The following EFR3B variants were observed in gnomAD, a reference collection of about 807,000 sequenced individuals.
The protein encoded by EFR3B is protein EFR3 homolog B.
In EFR3B, 64 loss-of-function variants were observed where a neutral mutation model predicts 104.7. The observed-to-expected ratio is 0.61, with a 90% CI of 0.50 to 0.75. The LOEUF (loss-of-function observed/expected upper bound fraction) is 0.75. Among genes scored for constraint, EFR3B ranks in the 30% least tolerant of loss-of-function variants. The pLI, the probability that EFR3B is intolerant of heterozygous loss-of-function variation, is 0.00. For synonymous variants in EFR3B, 385 were observed against 417.9 expected (o/e 0.92, Z 0.96); for missense variants, 750 against 1,078.5 (o/e 0.70, Z 4.27).
rs1460670981 is a variant in EFR3B, at chr2:25,135,448, G to A, written c.1312-19G>A. 6.4e-7 allele frequency: 1 copy of A among 1,551,334 alleles called. No homozygotes were observed. The highest frequency in any genetic ancestry group is 2.4e-5 in the East Asian group (1 of 40,928). ...AGGGACAGCATTCCTAGGCATAGCT[G>A]TCCATACCTCCCTTGCAGGTATCCA... On this transcript the variant is annotated intron_variant, in intron 12 of 22. Transcript: ENST00000403714.
intron 21 of EFR3B, 140 bp downstream of exon 21, chr2:25,152,160 C>T: frequency 3.7e-6 from 3 of 814,050 alleles, no homozygotes; most frequent in Non-Finnish European, 5.8e-6. Context: ...GACATCAGGG[C>T]TTGTATTCCA....
At chr2:25,087,974 G>A (rs1045590407) in intron 1 of EFR3B, among the ~76,000 whole-genome samples, 1 of 152,234 alleles carries the variant, frequency 6.6e-6, no homozygotes, top group South Asian at 2.1e-4. Context: ...CTTCTGTCCA[G>A]GGTGTAAGGG....
chr2:25,046,835 A>G (rs575413456), intron 1 of EFR3B, among the ~76,000 whole-genome samples: 3 of 152,186 alleles, frequency 2.0e-5, no homozygotes, highest in African/African-American at 7.2e-5. Flanking sequence ...AGAAATCTCC[A>G]TAGACTCCCT....
Position 25,121,707 on chromosome 2 carries a change from C to T in EFR3B, c.398C>T (p.Pro133Leu), listed in dbSNP as rs1670020032. The change falls in exon 5 of 23, where the codon CCG becomes CTG. Residue 133 changes from proline (P) to leucine (L), a missense_variant. Physicochemically the swap from Pro to Leu is moderately conservative, Grantham distance 98 (BLOSUM62 -3). Transcript: ENST00000403714. ...TTTGCCAACATCGAGGAGGACACCC[C>T]GTCCTATCACCGGAGCTATGACTTC... ...VKFANIEEDT[P>L]SYHRSYDFFV... 2.6e-6 allele frequency: 4 copies of T among 1,551,590 alleles called. No homozygotes were observed. The highest frequency in any genetic ancestry group is 2.0e-5 in the Admixed American group (1 of 50,968).
At chr2:25,133,104 C>A in intron 11 of EFR3B, 90 bp downstream of exon 11, 2 of 1,194,206 alleles carry the variant, frequency 1.7e-6, no homozygotes, top group East Asian at 2.6e-5. Flanking sequence ...ATTTTCTTGG[C>A]TCTGCCCTCT....
chr2:25,099,702 T>G (rs925892661), intron 3 of EFR3B, among the ~76,000 whole-genome samples: 4 of 151,946 alleles, frequency 2.6e-5, no homozygotes, highest in Admixed American at 6.6e-5. Context: ...TTTTTATGTT[T>G]GGATTTGCAA....
intron 4 of EFR3B, among the ~76,000 whole-genome samples, chr2:25,121,140 G>A (rs1296085785): frequency 6.6e-6 from 1 of 152,090 alleles, no homozygotes; most frequent in Non-Finnish European, 1.5e-5. Flanking sequence ...GACCTCAAAT[G>A]ATCCACCTGC....
At chr2:25,089,288 T>A (rs1669047502) in intron 1 of EFR3B, among the ~76,000 whole-genome samples, 1 of 152,116 alleles carries the variant, frequency 6.6e-6, no homozygotes, top group South Asian at 2.1e-4. Flanking sequence ...CTACCGTGAG[T>A]ACCCAGGATG....
chr2:25,073,108 A>G (rs1198201458), intron 1 of EFR3B, among the ~76,000 whole-genome samples: 1 of 152,192 alleles, frequency 6.6e-6, no homozygotes, highest in African/African-American at 2.4e-5. Flanking sequence ...GATAGTTATG[A>G]TGACAATTCA....
chr2:25,146,403 C>G (rs1209639740), intron 19 of EFR3B: 1 of 152,108 alleles, frequency 6.6e-6, no homozygotes, highest in Non-Finnish European at 1.5e-5. Context: ...CAGAACCTTC[C>G]CACGGAAGGA....
intron 4 of EFR3B, among the ~76,000 whole-genome samples, chr2:25,104,718 C>T (rs139260385): frequency 8.3e-4 from 126 of 152,348 alleles, no homozygotes; most frequent in Middle Eastern, 3.4e-3. Flanking sequence ...AAGCAGGACA[C>T]GGGGCTTCTG....
At chr2:25,060,846 G>C (rs1036375350) in intron 1 of EFR3B, among the ~76,000 whole-genome samples, 1 of 151,670 alleles carries the variant, frequency 6.6e-6, no homozygotes, top group African/African-American at 2.4e-5. Flanking sequence ...GTGTGAACCC[G>C]GGAGACAGAG....
intron 1 of EFR3B, among the ~76,000 whole-genome samples, chr2:25,065,195 T>C (rs1668299389): frequency 6.6e-6 from 1 of 152,104 alleles, no homozygotes; most frequent in South Asian, 2.1e-4. Flanking sequence ...TATTTATTTA[T>C]TTTGAGACAA....
chr2:25,157,445 G>A lies in EFR3B; in HGVS notation c.*3105G>A, dbSNP rs745709753. On this transcript the variant is annotated 3_prime_UTR_variant, in exon 23 of 23. Transcript: ENST00000403714. ...TACCCTGGCCCTTGGTCTAGCATCA[G>A]TGAGTCCTGCCCTTCCAAGCCCCTG... 1 of 152,386 alleles carries A rather than the reference G, an allele frequency of 6.6e-6. No homozygotes were observed. The highest frequency in any genetic ancestry group is 1.5e-5 in the Non-Finnish European group (1 of 68,174). 9.4% of individuals were successfully genotyped at this position (152,386 alleles called of 1,614,324 possible).
In EFR3B at chr2:25,042,295, G is replaced by A. The variant is rs1003961567; in HGVS notation, c.-18G>A. On this transcript the variant is annotated 5_prime_UTR_variant, in exon 1 of 23. Transcript: ENST00000403714. The surrounding 1 kb of genome is among the most constrained non-coding windows in gnomAD (Gnocchi z 5.4). Reference sequence around the variant, plus strand: ...CCGCAGCGACGCCGGCCTCTCGAGAGGCGCGCGCCCCGCCGAGATGTACGG... The same window carrying A: ...CCGCAGCGACGCCGGCCTCTCGAGAAGCGCGCGCCCCGCCGAGATGTACGG... 8 of 1,294,306 alleles carry A rather than the reference G, an allele frequency of 6.2e-6. No individual in the cohort carries two copies. Among genetic ancestry groups the A allele is most frequent in the African/African-American group, 1.6e-5 (1 of 64,430 alleles). The allele number at this position is 1,294,306 out of a possible 1,614,324, so 80.2% of individuals were successfully genotyped here. A position where few individuals can be genotyped will look rare whatever the true frequency, so the allele number is the denominator to read the frequency against.
chr2:25,117,702 G>A (rs372753683), intron 4 of EFR3B, among the ~76,000 whole-genome samples: 12 of 151,904 alleles, frequency 7.9e-5, no homozygotes, highest in Non-Finnish European at 1.3e-4. Flanking sequence ...ATGAGCCACC[G>A]TGCCCGGCTC....
chr2:25,124,945 C>A (rs1298418124), intron 5 of EFR3B, among the ~76,000 whole-genome samples: 1 of 151,814 alleles, frequency 6.6e-6, no homozygotes, highest in Non-Finnish European at 1.5e-5. Context: ...GTAGTCCCAG[C>A]TACTCAGGTG....
intron 4 of EFR3B, among the ~76,000 whole-genome samples, chr2:25,107,809 CT>C (rs34350239): frequency 0.25 from 35,355 of 142,478 alleles, 5,212 homozygotes; most frequent in East Asian, 0.53. Flanking sequence ...TTTAAGTGAG[CT>C]TTTTTTTTTT....
chr2:25,131,956 G>A lies in EFR3B; in HGVS notation c.1147+45G>A, dbSNP rs746833025. 1 of 888,138 alleles carries A rather than the reference G, an allele frequency of 1.1e-6. No homozygotes were observed. Among genetic ancestry groups the A allele is most frequent in the Non-Finnish European group, 1.5e-6 (1 of 648,624 alleles). 55.0% of individuals were successfully genotyped at this position (888,138 alleles called of 1,614,324 possible). A position where few individuals can be genotyped will look rare whatever the true frequency, so the allele number is the denominator to read the frequency against. ...CGGGGCGGGGCGGGGCCGAGGCGCGGAGTGGGGAGGGGAGGGGAGGGACGG... is the reference window on the plus strand; with the variant it reads ...CGGGGCGGGGCGGGGCCGAGGCGCGAAGTGGGGAGGGGAGGGGAGGGACGG... On this transcript the variant is annotated intron_variant, in intron 10 of 22. Transcript: ENST00000403714. This position sits in a 1 kb window ranked among gnomAD's most constrained non-coding sequence, Gnocchi z 7.6.
Sources: allele counts gnomAD v4.1 joint callset (sites outside exome capture counted in the v4.1 genomes callset), GRCh38; gene constraint gnomAD v4.1.1; non-coding constraint Gnocchi (gnomAD v3.1); transcripts MANE v1.5; gene names NCBI Gene and HGNC (gene_info 2026-07-23, HGNC 2026-07-21).